Variants in SLIT2 observed in about 807,000 individuals in gnomAD.
SLIT2 encodes the protein slit guidance ligand 2.
In SLIT2, 41 loss-of-function variants were observed where a neutral mutation model predicts 185.7. The ratio of observed to expected loss-of-function variants is 0.22; its 90% CI spans 0.17 to 0.29. SLIT2 has a LOEUF of 0.29. Among genes scored for constraint, SLIT2 ranks in the 10% least tolerant of loss-of-function variants. SLIT2 has a pLI of 1.00. For synonymous variants in SLIT2, 693 were observed against 680.2 expected, an observed-to-expected ratio of 1.02 and a Z score of -0.29; for missense variants, 1,571 against 1,909.0, an observed-to-expected ratio of 0.82 and a Z score of 3.30.
intron 4 of SLIT2, among the ~76,000 whole-genome samples, chr4:20,321,035 A>T (rs1719032448): frequency 6.6e-6 from 1 of 152,146 alleles, no homozygotes; most frequent in Admixed American, 6.5e-5. Flanking sequence ...GTGCACCTGT[A>T]ATCCAGCTAC....
intron 28 of SLIT2, 63 bp from the exon 29 acceptor site, chr4:20,568,802 A>T: frequency 6.8e-7 from 1 of 1,463,390 alleles, no homozygotes; most frequent in Admixed American, 1.8e-5. Context: ...TTCAATATTT[A>T]GACCACATGA....
chr4:20,358,730 A>G (rs1722524813), intron 4 of SLIT2, among the ~76,000 whole-genome samples: 1 of 152,132 alleles, frequency 6.6e-6, no homozygotes, highest in Non-Finnish European at 1.5e-5. Flanking sequence ...TTCAGTGAAT[A>G]TACTTTCCCA....
At chr4:20,611,208 TA>T (rs774736168) in intron 34 of SLIT2, among the ~76,000 whole-genome samples, 6 of 152,224 alleles carry the variant, frequency 3.9e-5, no homozygotes, top group Non-Finnish European at 8.8e-5. Context: ...TTCTGAAAAA[TA>T]ATAACCTATG....
At chr4:20,504,902 T>G (rs1452558007) in intron 9 of SLIT2, among the ~76,000 whole-genome samples, 1 of 151,860 alleles carries the variant, frequency 6.6e-6, no homozygotes, top group African/African-American at 2.4e-5. Context: ...TGTTGTATTT[T>G]ATTATTATTG....
At chr4:20,431,157 T>C (rs1302777474) in intron 4 of SLIT2, among the ~76,000 whole-genome samples, 1 of 152,224 alleles carries the variant, frequency 6.6e-6, no homozygotes, top group Non-Finnish European at 1.5e-5. Flanking sequence ...CTCTAACTCA[T>C]ATCGTATCTT....
At chr4:20,495,929 T>G (rs923647855) in intron 9 of SLIT2, among the ~76,000 whole-genome samples, 1 of 152,202 alleles carries the variant, frequency 6.6e-6, no homozygotes, top group African/African-American at 2.4e-5. Context: ...GGAAATATCT[T>G]TATAGATGGC....
At chr4:20,475,317 T>C (rs1395803672) in intron 5 of SLIT2, among the ~76,000 whole-genome samples, 6 of 30,452 alleles carry the variant, frequency 2.0e-4, no homozygotes, top group Non-Finnish European at 2.8e-4. Context: ...GAGGTTTTGG[T>C]TTTTTTTTTT....
At chr4:20,523,435 A>G (rs138596896) in intron 12 of SLIT2, among the ~76,000 whole-genome samples, 132 of 152,292 alleles carry the variant, frequency 8.7e-4, no homozygotes, top group African/African-American at 3.0e-3. Flanking sequence ...GAGCATTTTT[A>G]TGGTGTCCTT....
chr4:20,273,329 T>C (rs1194230195), intron 4 of SLIT2, among the ~76,000 whole-genome samples: 2 of 152,094 alleles, frequency 1.3e-5, no homozygotes, highest in Non-Finnish European at 2.9e-5. Context: ...ATTATACTTA[T>C]CAATTATTAT....
At chr4:20,608,902 C>G (rs972555192) in intron 33 of SLIT2, among the ~76,000 whole-genome samples, 4 of 152,086 alleles carry the variant, frequency 2.6e-5, no homozygotes, top group Non-Finnish European at 5.9e-5. Context: ...ATGTTGGAGC[C>G]TTTTTCAGTC....
intron 6 of SLIT2, among the ~76,000 whole-genome samples, chr4:20,482,820 C>T (rs945021159): frequency 6.6e-6 from 1 of 151,462 alleles, no homozygotes; most frequent in Non-Finnish European, 1.5e-5. Flanking sequence ...GTTGATCAGA[C>T]ATTACTTTAA....
chr4:20,612,092 A>C (rs1729266530), intron 34 of SLIT2, among the ~76,000 whole-genome samples: 1 of 152,050 alleles, frequency 6.6e-6, no homozygotes, highest in South Asian at 2.1e-4. Context: ...TTAAAAATAC[A>C]GGGGGCTGGG....
At chr4:20,595,949 A>G in intron 31 of SLIT2, 115 bp downstream of exon 31, 1 of 892,036 alleles carries the variant, frequency 1.1e-6, no homozygotes, top group Non-Finnish European at 1.7e-6. Context: ...GTATAACTGG[A>G]TTGTTTGTAA....
chr4:20,397,864 G>T, intron 4 of SLIT2, among the ~76,000 whole-genome samples: 1 of 151,742 alleles, frequency 6.6e-6, no homozygotes, highest in Non-Finnish European at 1.5e-5. Context: ...TCCCAGATGT[G>T]ATCTAGAACT....
In SLIT2 at chr4:20,527,798, C is replaced by T. The variant is rs3775814; in HGVS notation, c.1463-1151C>T. On this transcript the variant is annotated intron_variant, in intron 15 of 36. Transcript: ENST00000504154. The stretch of plus-strand genomic sequence containing the variant: ...TAGTTTTATAAATATGTATATTAAT[C>T]TTAATTGGGATTACTCTTTCTTTCC... Among the ~76,000 whole-genome samples the T allele has an allele frequency of 4.5e-4, 68 of 152,164 alleles. No homozygotes were observed. In the East Asian group the frequency reaches 0.012, roughly 28 times the overall value.
At chr4:20,478,087 A>G (rs932029152) in intron 5 of SLIT2, among the ~76,000 whole-genome samples, 1 of 152,168 alleles carries the variant, frequency 6.6e-6, no homozygotes, top group African/African-American at 2.4e-5. Context: ...TATACAGACA[A>G]ATGAAGGTCT....
At chr4:20,274,719 C>A (rs1713986579) in intron 4 of SLIT2, among the ~76,000 whole-genome samples, 2 of 149,404 alleles carry the variant, frequency 1.3e-5, no homozygotes, top group African/African-American at 4.9e-5. Context: ...AAATCAAATG[C>A]AAGAATGCAA....
intron 4 of SLIT2, among the ~76,000 whole-genome samples, chr4:20,419,766 A>C (rs1728022692): frequency 6.6e-6 from 1 of 151,500 alleles, no homozygotes; most frequent in African/African-American, 2.4e-5. Context: ...TGGTGGCTGC[A>C]TTCCGATTAC....
At chr4:20,409,008 A>C (rs1270866244) in intron 4 of SLIT2, among the ~76,000 whole-genome samples, 1 of 150,838 alleles carries the variant, frequency 6.6e-6, no homozygotes, top group Admixed American at 6.7e-5. Flanking sequence ...GTAGTACCAC[A>C]GATCTGCTAA....
Sources: gnomAD v4.1 joint callset for allele counts (sites outside exome capture counted in the v4.1 genomes callset) on GRCh38, gnomAD v4.1.1 for gene constraint, MANE v1.5 for transcripts, NCBI Gene and HGNC (gene_info 2026-07-23, HGNC 2026-07-21) for gene names.